Variants in RAP1GAP2 observed in about 807,000 individuals in gnomAD.
RAP1GAP2 encodes rap1 GTPase-activating protein 2.
RAP1GAP2 carries 27 observed loss-of-function variants against 95.0 expected under a neutral mutation model. The ratio of observed to expected loss-of-function variants is 0.28; its 90% CI spans 0.21 to 0.39. The LOEUF is 0.39. RAP1GAP2 is among the 10% of genes least tolerant of loss of function. The pLI, the probability that RAP1GAP2 is intolerant of heterozygous loss-of-function variation, is 1.00. For synonymous variants in RAP1GAP2, 373 were observed against 380.9 expected, an observed-to-expected ratio of 0.98 and a Z score of 0.24; for missense variants, 771 against 970.0, an observed-to-expected ratio of 0.79 and a Z score of 2.72.
chr17:2,810,852 T>C (rs1317366521), intron 2 of RAP1GAP2, among the ~76,000 whole-genome samples: 1 of 152,038 alleles, frequency 6.6e-6, no homozygotes, highest in Non-Finnish European at 1.5e-5. Flanking sequence ...TTAGTCTTTA[T>C]GCAAATCTCC....
intron 10 of RAP1GAP2, among the ~76,000 whole-genome samples, chr17:2,983,712 A>C (rs1223907516): frequency 3.3e-5 from 5 of 152,228 alleles, no homozygotes; most frequent in Admixed American, 3.3e-4. Context: ...TATTCCTTGT[A>C]CAGGTGAAAA....
chr17:2,897,752 T>C (rs556444266), intron 2 of RAP1GAP2, among the ~76,000 whole-genome samples: 1 of 152,014 alleles, frequency 6.6e-6, no homozygotes, highest in Non-Finnish European at 1.5e-5. Flanking sequence ...AGAGGCTCAC[T>C]GTGGGGTTTG....
At chr17:2,791,819 G>T (rs1360951238), upstream of RAP1GAP2, among the ~76,000 whole-genome samples, 1 of 151,958 alleles carries the variant, frequency 6.6e-6, no homozygotes, top group African/African-American at 2.4e-5. Flanking sequence ...GGGGCCAGGA[G>T]GGCTGGGCCT....
chr17:3,019,513 C>G (rs2046883996), intron 18 of RAP1GAP2, among the ~76,000 whole-genome samples: 1 of 152,114 alleles, frequency 6.6e-6, no homozygotes, highest in Non-Finnish European at 1.5e-5. Flanking sequence ...GACCCTGTCT[C>G]CAAATCTAAG....
chr17:2,929,977 C>T (rs576618932), intron 3 of RAP1GAP2, among the ~76,000 whole-genome samples: 1 of 152,348 alleles, frequency 6.6e-6, no homozygotes, highest in South Asian at 2.1e-4. Context: ...CCCGGAGCCA[C>T]CTGCTCACCC....
intron 3 of RAP1GAP2, among the ~76,000 whole-genome samples, chr17:2,925,771 C>T (rs1453970263): frequency 6.6e-6 from 1 of 152,126 alleles, no homozygotes; most frequent in African/African-American, 2.4e-5. Context: ...CAGCCCTGGT[C>T]AGATCTGGGG....
chr17:2,948,742 G>A (rs61360771), intron 3 of RAP1GAP2, among the ~76,000 whole-genome samples: 1,575 of 149,428 alleles, frequency 0.011, 29 homozygotes, highest in African/African-American at 0.037. Flanking sequence ...AGGAACAGGT[G>A]GCTGCCTGTC....
At chr17:2,874,714 A>G (rs72819268) in intron 2 of RAP1GAP2, among the ~76,000 whole-genome samples, 7,717 of 152,256 alleles carry the variant, frequency 0.051, 237 homozygotes, top group Non-Finnish European at 0.079. Flanking sequence ...CCACCCAGCC[A>G]GGAAAAGCCC....
chr17:2,756,864 TCAC>T (rs2071158181), intron 1 of RAP1GAP2, among the ~76,000 whole-genome samples: 1 of 152,086 alleles, frequency 6.6e-6, no homozygotes, highest in South Asian at 2.1e-4. Context: ...GGATTCAAGG[TCAC>T]CCAACAAGCG....
intron 2 of RAP1GAP2, among the ~76,000 whole-genome samples, chr17:2,883,890 C>G (rs1174414740): frequency 6.6e-6 from 1 of 152,204 alleles, no homozygotes; most frequent in African/African-American, 2.4e-5. Context: ...AGGGAGGGAC[C>G]CAGAATGGAC....
intron 17 of RAP1GAP2, among the ~76,000 whole-genome samples, chr17:3,014,069 A>G: frequency 6.6e-6 from 1 of 151,522 alleles, no homozygotes; most frequent in South Asian, 2.1e-4. Flanking sequence ...CACGTCGGCT[A>G]TAGAGCCCGT....
intron 2 of RAP1GAP2, among the ~76,000 whole-genome samples, chr17:2,891,399 C>T (rs1212284462): frequency 6.6e-6 from 1 of 152,106 alleles, no homozygotes; most frequent in East Asian, 1.9e-4. Flanking sequence ...CCTTGGCCTC[C>T]CAAAGTACTG....
chr17:2,990,101 C>A (rs1195810397), intron 11 of RAP1GAP2, among the ~76,000 whole-genome samples: 1 of 152,188 alleles, frequency 6.6e-6, no homozygotes, highest in Admixed American at 6.5e-5. Flanking sequence ...AATAATATTC[C>A]ATTGTGTGGA....
At position 3,008,228 on chromosome 17, in the gene RAP1GAP2, G is replaced by GT; in HGVS notation, c.1494+83_1494+84insT. 1.3e-6 allele frequency: 2 copies of GT among 1,568,686 alleles called. No individual in the cohort carries two copies. Among genetic ancestry groups the GT allele is most frequent in the Non-Finnish European group, 1.7e-6 (2 of 1,150,714 alleles). On this transcript the variant is annotated intron_variant, in intron 17 of 24. Coordinates refer to ENST00000254695, the MANE Select transcript of RAP1GAP2 (RefSeq NM_015085.5). This position sits in a 1 kb window ranked among gnomAD's most constrained non-coding sequence, Gnocchi z 4.2. ...AGTGGTCCAAGGTCCATGGGATACT[G>GT]ATCCCAGAGCCCAAGGGCCAGCTGG...
chr17:2,965,497 G>A lies in RAP1GAP2; in HGVS notation c.493-43G>A. 1.3e-6 allele frequency: 2 copies of A among 1,484,344 alleles called. No homozygotes were observed. Among genetic ancestry groups the A allele is most frequent in the Non-Finnish European group, 1.9e-6 (2 of 1,080,454 alleles). The allele number at this position is 1,484,344 out of a possible 1,614,324, so 91.9% of individuals were successfully genotyped here. A position where few individuals can be genotyped will look rare whatever the true frequency, so the allele number is the denominator to read the frequency against. On this transcript the variant is annotated intron_variant, in intron 7 of 24. Transcript: ENST00000254695. The surrounding 1 kb of genome is among the most constrained non-coding windows in gnomAD (Gnocchi z 4.7). ...TGGTTTAGGGGGAACATACCTGGAA[G>A]GTTTCTTCCTCCTTCCTGCTCACAC...
chr17:3,014,907 G>A (rs1398781513), intron 17 of RAP1GAP2, among the ~76,000 whole-genome samples: 2 of 152,130 alleles, frequency 1.3e-5, no homozygotes, highest in South Asian at 4.1e-4. Context: ...ACCTGGCTGC[G>A]GCCAGGCTTG....
At chr17:2,888,360 A>C (rs2073572208) in intron 2 of RAP1GAP2, among the ~76,000 whole-genome samples, 1 of 152,226 alleles carries the variant, frequency 6.6e-6, no homozygotes, top group African/African-American at 2.4e-5. Context: ...ACAGAATACT[A>C]GAAATGATTC....
intron 2 of RAP1GAP2, among the ~76,000 whole-genome samples, chr17:2,893,822 G>T (rs12948210): frequency 2.0e-5 from 3 of 152,156 alleles, no homozygotes; most frequent in African/African-American, 7.2e-5. Context: ...GGCTGGGTGC[G>T]TAGGCACCTG....
Position 3,030,177 on chromosome 17 carries a change from T to TACACACACACACACAC in RAP1GAP2, c.2108-740_2108-725dup, listed in dbSNP as rs61671474. Reference sequence around the variant, plus strand: ...ATATACATATGTATAATATATATTATACACACACACACACACACACTCACT... The same window carrying TACACACACACACACAC: ...ATATACATATGTATAATATATATTATACACACACACACACACACACACACACACACACACACTCACT... On this transcript the variant is annotated intron_variant, in intron 22 of 24. Coordinates refer to ENST00000254695, the MANE Select transcript of RAP1GAP2 (RefSeq NM_015085.5). Among the ~76,000 whole-genome samples, 674 of 145,226 alleles carry TACACACACACACACAC rather than the reference T, an allele frequency of 4.6e-3. 6 individuals carry two copies. Among genetic ancestry groups the TACACACACACACACAC allele is most frequent in the Middle Eastern group, 0.014 (4 of 276 alleles).
Sources: gnomAD v4.1 joint callset for allele counts (sites outside exome capture counted in the v4.1 genomes callset) on GRCh38, gnomAD v4.1.1 for gene constraint, Gnocchi (gnomAD v3.1) non-coding constraint, MANE v1.5 for transcripts, NCBI Gene and HGNC (gene_info 2026-07-23, HGNC 2026-07-21) for gene names.